The following ANKRD11 variants were observed in gnomAD, a reference collection of about 807,000 sequenced individuals.
The protein encoded by ANKRD11 is ankyrin repeat domain 11.
ANKRD11 carries 17 observed loss-of-function variants against 195.7 expected under a neutral mutation model. The observed-to-expected ratio is 0.09, with a 90% confidence interval of 0.06 to 0.13. The LOEUF (loss-of-function observed/expected upper bound fraction) is 0.13, where lower values mean the gene tolerates loss of function less well. Among genes scored for constraint, ANKRD11 ranks in the 10% least tolerant of loss-of-function variants. The pLI is 1.00. For missense variants in ANKRD11, 3,735 were observed against 3,566.1 expected, an observed-to-expected ratio of 1.05 and a Z score of -1.21; for synonymous variants, 1,953 against 1,528.1, an observed-to-expected ratio of 1.28 and a Z score of -6.49.
intron 2 of ANKRD11, among the ~76,000 whole-genome samples, chr16:89,366,607 G>A (rs2039961374): frequency 6.6e-6 from 1 of 152,236 alleles, no homozygotes; most frequent in Admixed American, 6.5e-5. Context: ...GCAGACTCTT[G>A]TTGAAAAGGC....
chr16:89,304,734 C>A (rs2036075660), intron 4 of ANKRD11, among the ~76,000 whole-genome samples: 1 of 152,236 alleles, frequency 6.6e-6, no homozygotes, highest in Non-Finnish European at 1.5e-5. Context: ...ACAGCACACA[C>A]ATTCCTGCTC....
At chr16:89,338,409 TAAC>T (rs2038484531) in intron 2 of ANKRD11, among the ~76,000 whole-genome samples, 1 of 143,766 alleles carries the variant, frequency 7.0e-6, no homozygotes, top group African/African-American at 2.6e-5. Context: ...ATCCTGTACT[TAAC>T]ATACACTCTG....
rs1036125437 is a variant in ANKRD11 at position 89,490,416 on chromosome 16, C to A, written c.-316G>T. On this transcript the variant is annotated 5_prime_UTR_variant, in exon 1 of 13. Coordinates refer to ENST00000301030, the MANE Select transcript of ANKRD11 (RefSeq NM_013275.6). ...TGCGAGGGACGGCGGGAGGCGAGCC[C>A]GCCCCTCGGGCGCGCCCACGGCTCG... 7 of 296,112 alleles carry A rather than the reference C, an allele frequency of 2.4e-5. No homozygotes were observed. The highest frequency in any genetic ancestry group is 5.2e-5 in the Admixed American group (1 of 19,074). 18.3% of individuals were successfully genotyped at this position (296,112 alleles called of 1,614,324 possible). A position where few individuals can be genotyped will look rare whatever the true frequency, so the allele number is the denominator to read the frequency against.
chr16:89,316,296 T>C (rs1035088864), intron 3 of ANKRD11, among the ~76,000 whole-genome samples: 3 of 152,084 alleles, frequency 2.0e-5, no homozygotes, highest in African/African-American at 7.2e-5. Flanking sequence ...TCTGTCCAAG[T>C]TCACATTCGC....
chr16:89,472,880 C>A (rs2057134817), intron 1 of ANKRD11, among the ~76,000 whole-genome samples: 1 of 152,142 alleles, frequency 6.6e-6, no homozygotes, highest in South Asian at 2.1e-4. Flanking sequence ...AAAAAGAGCT[C>A]AACCATGAGA....
chr16:89,340,838 G>A (rs558924392), intron 2 of ANKRD11, among the ~76,000 whole-genome samples: 115 of 152,304 alleles, frequency 7.6e-4, no homozygotes, highest in African/African-American at 2.7e-3. Context: ...GACAGTCCTG[G>A]GGAGAGGATG....
intron 3 of ANKRD11, among the ~76,000 whole-genome samples, chr16:89,312,993 T>G (rs1233186313): frequency 6.6e-6 from 1 of 152,184 alleles, no homozygotes; most frequent in Non-Finnish European, 1.5e-5. Context: ...CTGCTGAGAC[T>G]CGCTGGAGGG....
chr16:89,336,864 G>T (rs1267566550), intron 2 of ANKRD11, among the ~76,000 whole-genome samples: 2 of 152,030 alleles, frequency 1.3e-5, no homozygotes, highest in East Asian at 1.9e-4. Context: ...GGTGGCTCAC[G>T]CCTGTAATCC....
intron 2 of ANKRD11, among the ~76,000 whole-genome samples, chr16:89,355,390 G>A (rs144882481): frequency 1.3e-5 from 2 of 152,340 alleles, no homozygotes; most frequent in Admixed American, 6.5e-5. Context: ...CAGAAGAGCT[G>A]ATTAAGTTTC....
intron 4 of ANKRD11, chr16:89,301,550 C>T (rs574120160): frequency 1.0e-5 from 4 of 398,584 alleles, no homozygotes; most frequent in South Asian, 1.3e-4. Context: ...GTCTTGGGGC[C>T]GGGACATGGC....
rs1220184775 is a variant in ANKRD11 at position 89,435,712 on chromosome 16, C to G, written c.-144-17344G>C. Among the ~76,000 whole-genome samples, 5 of 151,774 alleles carry G rather than the reference C, an allele frequency of 3.3e-5. No individual in the cohort carries two copies. In the Middle Eastern group the frequency reaches 0.014, roughly 413 times the overall value. On this transcript the variant is annotated intron_variant, in intron 1 of 12. Coordinates refer to ENST00000301030, the MANE Select transcript of ANKRD11 (RefSeq NM_013275.6). ...ACACATTCACACGCAGACGTACTTT[C>G]GTTCTGTCCTGCTGGGAGTCCAAGA... is the stretch of plus-strand genomic sequence containing the variant.
In ANKRD11 at chr16:89,349,134, T is replaced by TAAAAAAAAAAAAAAAAAAAAAAAA. The variant is rs59621400; in HGVS notation, c.-59-32080_-59-32057dup. 4.2e-4 allele frequency among the ~76,000 whole-genome samples: 7 copies of TAAAAAAAAAAAAAAAAAAAAAAAA among 16,578 alleles called. 1 individual carries two copies. The highest frequency in any genetic ancestry group is 5.6e-4 in the African/African-American group (2 of 3,570). 10.9% of individuals were successfully genotyped at this position (16,578 alleles called of 152,430 possible). ...CAGAGTAAAACACTGTCTCAAAAAG[T>TAAAAAAAAAAAAAAAAAAAAAAAA]AAAAAAAAAAAAAAAAAAAAAAAAA... On this transcript the variant is annotated intron_variant, in intron 2 of 12. Transcript: ENST00000301030.
chr16:89,343,939 G>C (rs1164646544), intron 2 of ANKRD11: 5 of 152,222 alleles, frequency 3.3e-5, no homozygotes, highest in African/African-American at 1.2e-4. Flanking sequence ...TTTGGGTGTG[G>C]GAAATCCACC....
chr16:89,457,007 T>C (rs1471817029), intron 1 of ANKRD11, among the ~76,000 whole-genome samples: 2 of 147,432 alleles, frequency 1.4e-5, no homozygotes, highest in Non-Finnish European at 3.0e-5. Context: ...TCGCCCAGGC[T>C]GGAGTGCAGT....
At chr16:89,473,944 AC>A (rs2057171786) in intron 1 of ANKRD11, among the ~76,000 whole-genome samples, 1 of 152,218 alleles carries the variant, frequency 6.6e-6, no homozygotes, top group Non-Finnish European at 1.5e-5. Context: ...ACATTATGTT[AC>A]GTAAGACTTA....
rs186689586 is a variant in ANKRD11, at chr16:89,467,242, G to A, written c.-145+23003C>T. 7.2e-4 allele frequency among the ~76,000 whole-genome samples: 106 copies of A among 146,506 alleles called. 1 individual carries two copies. In the East Asian group the frequency reaches 0.017, roughly 24 times the overall value. On this transcript the variant is annotated intron_variant, in intron 1 of 12. Coordinates refer to ENST00000301030, the MANE Select transcript of ANKRD11 (RefSeq NM_013275.6). ...AGCCCAGGAGTTTGAGATGGGCCAG[G>A]GCAACATGGCTAAACCCCATCTCTA... is the stretch of plus-strand genomic sequence containing the variant.
rs556461088 is a variant in ANKRD11, at chr16:89,379,383, T to G, written c.-60+38901A>C. On this transcript the variant is annotated intron_variant, in intron 2 of 12. Coordinates refer to ENST00000301030, the MANE Select transcript of ANKRD11 (RefSeq NM_013275.6). Reference sequence around the variant, plus strand: ...ACCAGTGAACGGGGCTTTCATTATATGTCGAAAGCTGACCATGGGGAACAG... The same window carrying G: ...ACCAGTGAACGGGGCTTTCATTATAGGTCGAAAGCTGACCATGGGGAACAG... Among the ~76,000 whole-genome samples, 14 of 152,370 alleles carry G rather than the reference T, an allele frequency of 9.2e-5. 1 individual carries two copies. Among genetic ancestry groups the G allele is most frequent in the African/African-American group, 3.1e-4 (13 of 41,594 alleles).
rs548249325 is a variant in ANKRD11 at position 89,395,153 on chromosome 16, C to T, written c.-60+23131G>A. Among the ~76,000 whole-genome samples the T allele has an allele frequency of 2.0e-5, 3 of 152,356 alleles. No homozygotes were observed. In the South Asian group the frequency reaches 6.2e-4, roughly 32 times the overall value. ...AGAACAGGCAACACCACCACTCAAA[C>T]GATCCAAGAGACTCCTGGTCTAAAA... On this transcript the variant is annotated intron_variant, in intron 2 of 12. Transcript: ENST00000301030.
At chr16:89,482,863 G>A (rs2057489053) in intron 1 of ANKRD11, among the ~76,000 whole-genome samples, 1 of 152,224 alleles carries the variant, frequency 6.6e-6, no homozygotes, top group Non-Finnish European at 1.5e-5. Flanking sequence ...AAGCACTACA[G>A]GCCGAATGCA....
Sources: gnomAD v4.1 joint callset for allele counts (sites outside exome capture counted in the v4.1 genomes callset) on GRCh38, gnomAD v4.1.1 for gene constraint, MANE v1.5 for transcripts, NCBI Gene and HGNC (gene_info 2026-07-23, HGNC 2026-07-21) for gene names.